The following SATB1 variants were observed in gnomAD, a reference collection of about 807,000 sequenced individuals.
The protein encoded by SATB1 is SATB homeobox 1, also known as DNA-binding protein SATB1.
SATB1 carries 11 observed loss-of-function variants against 86.9 expected under a neutral mutation model. The ratio of observed to expected loss-of-function variants is 0.13; its 90% CI spans 0.08 to 0.21. The LOEUF is 0.21. Ranked by LOEUF, SATB1 falls within the 10% of genes least tolerant of loss-of-function variation. The pLI is 1.00. For missense variants in SATB1, 551 were observed against 937.6 expected (o/e 0.59, Z 5.39); for synonymous variants, 357 against 357.2 (o/e 1.00, Z 0.01).
intron 9 of SATB1, among the ~76,000 whole-genome samples, chr3:18,360,170 T>C (rs1271787905): frequency 6.6e-6 from 1 of 152,160 alleles, no homozygotes; most frequent in Non-Finnish European, 1.5e-5. Flanking sequence ...TAATCTGATG[T>C]TTAATTTCGC....
chr3:18,402,448 C>T (rs1004478118), intron 5 of SATB1, among the ~76,000 whole-genome samples: 2 of 152,118 alleles, frequency 1.3e-5, no homozygotes, highest in Non-Finnish European at 2.9e-5. Flanking sequence ...TCTGTTATCA[C>T]TGATTGCTCA....
Position 18,386,694 on chromosome 3 carries a change from C to CT in SATB1, c.1207-84dup. The CT allele has an allele frequency of 8.9e-7, 1 of 1,118,572 alleles. No homozygotes were observed. The highest frequency in any genetic ancestry group is 2.4e-5 in the East Asian group (1 of 41,762). 69.3% of individuals were successfully genotyped at this position (1,118,572 alleles called of 1,614,324 possible). A position where few individuals can be genotyped will look rare whatever the true frequency, so the allele number is the denominator to read the frequency against. On this transcript the variant is annotated intron_variant, in intron 7 of 10. Coordinates refer to ENST00000338745, the MANE Select transcript of SATB1 (RefSeq NM_002971.6). The surrounding 1 kb of genome is among the most constrained non-coding windows in gnomAD (Gnocchi z 4.5). Reference sequence around the variant, plus strand: ...TGATCCTTCCCTTTTCTTCTCCACTCTGTTTAGAAAATGAACAGTCAGAGG... The same window carrying CT: ...TGATCCTTCCCTTTTCTTCTCCACTCTTGTTTAGAAAATGAACAGTCAGAGG...
intron 9 of SATB1, among the ~76,000 whole-genome samples, chr3:18,376,866 T>C (rs920471962): frequency 1.3e-5 from 2 of 152,224 alleles, no homozygotes; most frequent in Non-Finnish European, 2.9e-5. Flanking sequence ...TAAACAGCAC[T>C]TGATGTTTAG....
intron 7 of SATB1, among the ~76,000 whole-genome samples, chr3:18,388,382 T>C (rs2125213189): frequency 6.6e-6 from 1 of 152,248 alleles, no homozygotes; most frequent in African/African-American, 2.4e-5. Flanking sequence ...TTTACTCCTC[T>C]CCACCAAATG....
intron 10 of SATB1, chr3:18,351,184 C>T: frequency 1.4e-6 from 1 of 736,882 alleles, no homozygotes; most frequent in Non-Finnish European, 2.4e-6. Flanking sequence ...TCTGCTGGCA[C>T]AGTGAGCTCT....
intron 5 of SATB1, among the ~76,000 whole-genome samples, chr3:18,408,512 GT>G (rs1575153937): frequency 6.6e-6 from 1 of 152,038 alleles, no homozygotes; most frequent in East Asian, 1.9e-4. Context: ...CAGCCAGAGC[GT>G]TCCTTACTTC....
chr3:18,391,886 T>G (rs1575130876), intron 7 of SATB1, among the ~76,000 whole-genome samples: 1 of 152,046 alleles, frequency 6.6e-6, no homozygotes, highest in Non-Finnish European at 1.5e-5. Context: ...TGTGTATGTA[T>G]GTGTGTGTGG....
intron 2 of SATB1, among the ~76,000 whole-genome samples, chr3:18,418,666 T>C (rs190209016): frequency 1.3e-5 from 2 of 152,278 alleles, no homozygotes; most frequent in East Asian, 3.9e-4. Context: ...CAAAATCGCC[T>C]AAACAAATAA....
At chr3:18,359,123 T>TA (rs1170864907) in intron 9 of SATB1, among the ~76,000 whole-genome samples, 1 of 152,020 alleles carries the variant, frequency 6.6e-6, no homozygotes, top group East Asian at 1.9e-4. Flanking sequence ...TTTAATCAGA[T>TA]AAAAAGGTGC....
intron 9 of SATB1, among the ~76,000 whole-genome samples, chr3:18,369,157 T>C (rs975006068): frequency 4.8e-5 from 6 of 123,938 alleles, no homozygotes; most frequent in Non-Finnish European, 8.5e-5. Flanking sequence ...GTAACAACTT[T>C]GCATTAAAAA....
chr3:18,372,080 T>C (rs1320180271), intron 9 of SATB1, among the ~76,000 whole-genome samples: 1 of 152,194 alleles, frequency 6.6e-6, no homozygotes, highest in Non-Finnish European at 1.5e-5. Context: ...ACACTAACAT[T>C]TTAGGACAAA....
In SATB1 at chr3:18,420,987, A is replaced by C; in HGVS notation, c.-20T>G. ...ATCCATACTCAGTCACTGTCTAAAG[A>C]TCACCTGCCAGAATTTAAAAAGAAG... On this transcript the variant is annotated 5_prime_UTR_variant, in exon 2 of 11. Transcript: ENST00000338745. 1 of 1,610,334 alleles carries C rather than the reference A, an allele frequency of 6.2e-7. No homozygotes were observed. Among genetic ancestry groups the C allele is most frequent in the South Asian group, 1.1e-5 (1 of 90,998 alleles).
chr3:18,412,612 C>G (rs1294011415), intron 5 of SATB1, among the ~76,000 whole-genome samples: 1 of 152,016 alleles, frequency 6.6e-6, no homozygotes, highest in East Asian at 1.9e-4. Flanking sequence ...TAACACTTGG[C>G]ATTTCTTGGT....
At chr3:18,373,522 A>G (rs1695578291) in intron 9 of SATB1, among the ~76,000 whole-genome samples, 1 of 152,216 alleles carries the variant, frequency 6.6e-6, no homozygotes, top group South Asian at 2.1e-4. Flanking sequence ...AGCAATGAAA[A>G]TTACATTTTT....
chr3:18,359,372 G>T (rs1337560248), intron 9 of SATB1, among the ~76,000 whole-genome samples: 1 of 151,676 alleles, frequency 6.6e-6, no homozygotes, highest in East Asian at 1.9e-4. Context: ...ATTTGAGAAG[G>T]GGGGAGAAAA....
chr3:18,357,194 C>T (rs1694688947), intron 9 of SATB1, among the ~76,000 whole-genome samples: 1 of 151,752 alleles, frequency 6.6e-6, no homozygotes, highest in African/African-American at 2.4e-5. Flanking sequence ...TTGTTCCAAT[C>T]TCTGGGGCAT....
At chr3:18,357,960 A>T (rs1162994084) in intron 9 of SATB1, among the ~76,000 whole-genome samples, 1 of 151,892 alleles carries the variant, frequency 6.6e-6, no homozygotes, top group African/African-American at 2.4e-5. Flanking sequence ...TTCATGAAGA[A>T]TCATAACACT....
rs916029068 is a variant in SATB1, at chr3:18,367,801, G to T, written c.1575+10369C>A. ...CAAAGAAATACAAATACACAAAAAT[G>T]TTTGCAAACATGAAAAACTGGGGGA... On this transcript the variant is annotated intron_variant, in intron 9 of 10. Coordinates refer to ENST00000338745, the MANE Select transcript of SATB1 (RefSeq NM_002971.6). 4.1e-4 allele frequency among the ~76,000 whole-genome samples: 63 copies of T among 152,072 alleles called. 4 individuals carry two copies. The highest frequency in any genetic ancestry group is 2.9e-5 in the Non-Finnish European group (2 of 67,978).
intron 9 of SATB1, 138 bp downstream of exon 9, chr3:18,378,032 T>C (rs1695852071): frequency 1.3e-6 from 1 of 751,096 alleles, no homozygotes; most frequent in Non-Finnish European, 2.0e-6. Context: ...TATTGTTTCA[T>C]TTTAGAGCTC....
Sources: gnomAD v4.1 joint callset for allele counts (sites outside exome capture counted in the v4.1 genomes callset) on GRCh38, gnomAD v4.1.1 for gene constraint, Gnocchi (gnomAD v3.1) non-coding constraint, MANE v1.5 for transcripts, NCBI Gene and HGNC (gene_info 2026-07-23, HGNC 2026-07-21) for gene names.